Variants in CNBD1 observed in about 807,000 individuals in gnomAD.
CNBD1 encodes the protein cyclic nucleotide binding domain containing 1.
CNBD1 carries 71 observed loss-of-function variants against 54.4 expected under a neutral mutation model. That is an observed-to-expected ratio of 1.30 (90% CI 1.08 to 1.59). The LOEUF is 1.59. CNBD1 is among the 40% of genes most tolerant of loss of function. The pLI is 0.00. For missense variants in CNBD1, 659 were observed against 518.0 expected (o/e 1.27, Z -2.64); for synonymous variants, 182 against 170.7 (o/e 1.07, Z -0.51).
rs1185659661 is a variant in CNBD1 at position 87,353,843 on chromosome 8, T to G, written c.1303+57T>G. The G allele has an allele frequency of 6.0e-6, 8 of 1,323,908 alleles. No individual in the cohort carries two copies. The Admixed American group carries it at 2.0e-4, about 33-fold the overall frequency. 82.0% of individuals were successfully genotyped at this position (1,323,908 alleles called of 1,614,324 possible). A position where few individuals can be genotyped will look rare whatever the true frequency, so the allele number is the denominator to read the frequency against. On this transcript the variant is annotated intron_variant, in intron 10 of 10. Coordinates refer to ENST00000518476, the MANE Select transcript of CNBD1 (RefSeq NM_173538.3). ...CCATTTTATTGGATGAGTTCTTAAA[T>G]TTTTTAAATTTTTTTCCTTATTAAT...
At chr8:86,991,299 A>T (rs1202977516) in intron 4 of CNBD1, among the ~76,000 whole-genome samples, 2 of 152,082 alleles carry the variant, frequency 1.3e-5, no homozygotes, top group African/African-American at 2.4e-5. Flanking sequence ...ATTTAATGTG[A>T]TACCAGCTGT....
At chr8:87,230,535 A>C (rs1173935175) in intron 5 of CNBD1, among the ~76,000 whole-genome samples, 1 of 151,614 alleles carries the variant, frequency 6.6e-6, no homozygotes, top group Admixed American at 6.6e-5. Flanking sequence ...AACACATTTG[A>C]AAACTTCCAG....
chr8:87,402,953 C>T (rs1807593726), intron 2 of CNBD1, among the ~76,000 whole-genome samples: 2 of 152,010 alleles, frequency 1.3e-5, no homozygotes, highest in Admixed American at 1.3e-4. Flanking sequence ...ATGTTTATAT[C>T]ATACAATTGT....
In CNBD1 at chr8:87,071,375, A is replaced by G. The variant is rs916110208; in HGVS notation, c.431+131621A>G. On this transcript the variant is annotated intron_variant, in intron 4 of 10. Coordinates refer to ENST00000518476, the MANE Select transcript of CNBD1 (RefSeq NM_173538.3). ...ATTCAGACATTTCTGAGAATCCTTA[A>G]CAAAACTCTTGAAAAGGCTCCATTC... Among the ~76,000 whole-genome samples, 3 of 152,130 alleles carry G rather than the reference A, an allele frequency of 2.0e-5. 1 individual carries two copies. In the South Asian group the frequency reaches 6.2e-4, roughly 31 times the overall value.
intron 4 of CNBD1, among the ~76,000 whole-genome samples, chr8:87,031,190 G>A (rs1471892865): frequency 6.6e-6 from 1 of 151,804 alleles, no homozygotes; most frequent in Non-Finnish European, 1.5e-5. Context: ...TAGTCAGTCT[G>A]AAGTGTCTTT....
intron 8 of CNBD1, among the ~76,000 whole-genome samples, chr8:87,328,860 G>T (rs1348208921): frequency 1.3e-5 from 2 of 151,776 alleles, no homozygotes; most frequent in Non-Finnish European, 2.9e-5. Flanking sequence ...TCTTTTTGAT[G>T]CTACTGTAAA....
At chr8:86,963,150 G>T (rs566603208) in intron 4 of CNBD1, among the ~76,000 whole-genome samples, 1 of 152,068 alleles carries the variant, frequency 6.6e-6, no homozygotes. Context: ...CCTGAGTTCC[G>T]GTGACCTGTG....
intron 2 of CNBD1, among the ~76,000 whole-genome samples, chr8:87,391,242 A>G (rs1345162473): frequency 6.9e-6 from 1 of 144,940 alleles, no homozygotes; most frequent in Non-Finnish European, 1.5e-5. Flanking sequence ...AAAGTATAAT[A>G]AAAAAAAGAA....
intron 3 of CNBD1, among the ~76,000 whole-genome samples, chr8:86,910,494 G>A (rs1809084668): frequency 1.3e-5 from 2 of 152,166 alleles, no homozygotes; most frequent in Admixed American, 1.3e-4. Flanking sequence ...AAATGGGGGA[G>A]GGGGAGCATC....
At chr8:87,183,350 TTTTGTTTGTTTG>T (rs553498825) in intron 4 of CNBD1, among the ~76,000 whole-genome samples, 4 of 150,314 alleles carry the variant, frequency 2.7e-5, no homozygotes, top group African/African-American at 4.9e-5. Flanking sequence ...CTTTGTTTTC[TTTTGTTTGTTTG>T]TTTGTTTGTT....
chr8:87,037,156 TTTC>T (rs1809966867), intron 4 of CNBD1, among the ~76,000 whole-genome samples: 1 of 152,198 alleles, frequency 6.6e-6, no homozygotes, highest in Non-Finnish European at 1.5e-5. Flanking sequence ...TGGAATTTTG[TTTC>T]CTTACTTTTT....
intron 10 of CNBD1, among the ~76,000 whole-genome samples, chr8:87,365,308 G>A (rs888726125): frequency 1.3e-5 from 2 of 151,862 alleles, no homozygotes; most frequent in Admixed American, 6.6e-5. Context: ...GTATGCTAAA[G>A]TATCTGTTCA....
chr8:87,170,484 C>A (rs1234170271), intron 4 of CNBD1, among the ~76,000 whole-genome samples: 1 of 152,080 alleles, frequency 6.6e-6, no homozygotes, highest in Non-Finnish European at 1.5e-5. Context: ...AGTGGGGATT[C>A]TTGTTATGTT....
At chr8:87,411,043 C>A (rs555593792) in intron 2 of CNBD1, among the ~76,000 whole-genome samples, 11 of 152,080 alleles carry the variant, frequency 7.2e-5, no homozygotes, top group Non-Finnish European at 1.0e-4. Context: ...CTTTTATATG[C>A]TTTGGGAAAC....
chr8:86,912,843 A>T (rs896700251), intron 3 of CNBD1, among the ~76,000 whole-genome samples: 2 of 152,174 alleles, frequency 1.3e-5, no homozygotes, highest in Non-Finnish European at 2.9e-5. Context: ...GGGACAAGAC[A>T]TGGGTGTGGA....
At position 87,414,284 on chromosome 8, in the gene CNBD1, A is replaced by T. The variant is rs1030804355; in HGVS notation, c.214-14262A>T. Reference sequence around the variant, plus strand: ...AACTATCGCAAGGACAAAAAACCAAACACCACATGTTCTCACTCATAGGTG... The same window carrying T: ...AACTATCGCAAGGACAAAAAACCAATCACCACATGTTCTCACTCATAGGTG... On this transcript the variant is annotated intron_variant, in intron 2 of 7. Transcript: ENST00000521593. 2.0e-5 allele frequency among the ~76,000 whole-genome samples: 3 copies of T among 152,080 alleles called. No individual in the cohort carries two copies. The East Asian group carries it at 5.8e-4, about 29-fold the overall frequency.
intron 4 of CNBD1, among the ~76,000 whole-genome samples, chr8:87,108,300 T>A: frequency 6.6e-6 from 1 of 152,306 alleles, no homozygotes; most frequent in Admixed American, 6.5e-5. Context: ...ATATATTATT[T>A]ATAATGTTAT....
intron 4 of CNBD1, among the ~76,000 whole-genome samples, chr8:87,037,454 G>A (rs1017763298): frequency 1.3e-4 from 20 of 151,956 alleles, no homozygotes; most frequent in Non-Finnish European, 1.5e-5. Context: ...TTAAGCATTA[G>A]CATTCTTCTT....
intron 8 of CNBD1, among the ~76,000 whole-genome samples, chr8:87,294,062 T>G (rs1039279997): frequency 1.3e-5 from 2 of 151,992 alleles, no homozygotes; most frequent in African/African-American, 4.8e-5. Flanking sequence ...CCTGAAAAAG[T>G]CAAAGTTTTA....
Sources: gnomAD v4.1 joint callset for allele counts (sites outside exome capture counted in the v4.1 genomes callset) on GRCh38, gnomAD v4.1.1 for gene constraint, MANE v1.5 for transcripts, NCBI Gene and HGNC (gene_info 2026-07-23, HGNC 2026-07-21) for gene names.